ZNF536: variants seen among roughly 807,000 people sequenced by gnomAD.
ZNF536 encodes the protein zinc finger protein 536.
A neutral mutation model predicts 84.5 loss-of-function variants in ZNF536; 13 were observed. The observed-to-expected ratio is 0.15, with a 90% CI of 0.10 to 0.24. The LOEUF (loss-of-function observed/expected upper bound fraction) is 0.24. ZNF536 is among the 10% of genes least tolerant of loss of function. ZNF536 has a pLI of 1.00. For synonymous variants in ZNF536, 811 were observed against 742.5 expected (o/e 1.09, Z -1.50); for missense variants, 1,536 against 1,747.5 (o/e 0.88, Z 2.16).
chr19:30,674,179 G>A (rs940232062), intron 1 of ZNF536, among the ~76,000 whole-genome samples: 1 of 152,246 alleles, frequency 6.6e-6, no homozygotes, highest in Admixed American at 6.5e-5. Context: ...CGGGGTGACA[G>A]CAGGAGATGG....
At chr19:30,521,709 G>A (rs1255025739) in intron 2 of ZNF536, among the ~76,000 whole-genome samples, 1 of 152,138 alleles carries the variant, frequency 6.6e-6, no homozygotes, top group South Asian at 2.1e-4. Flanking sequence ...AGGCTAGAAG[G>A]AAAGCTGGTG....
At chr19:30,633,716 T>A (rs1236797609) in intron 1 of ZNF536, among the ~76,000 whole-genome samples, 1 of 152,166 alleles carries the variant, frequency 6.6e-6, no homozygotes, top group East Asian at 1.9e-4. Context: ...ATTTTATTTT[T>A]ATTTGATTTT....
At chr19:30,403,753 C>A (rs1175342763) in intron 1 of ZNF536, among the ~76,000 whole-genome samples, 1 of 152,206 alleles carries the variant, frequency 6.6e-6, no homozygotes, top group Non-Finnish European at 1.5e-5. Context: ...AGTGCAAGGT[C>A]CAGCTGCTCT....
chr19:30,550,921 G>C (rs1414351233), intron 4 of ZNF536, among the ~76,000 whole-genome samples: 6 of 152,030 alleles, frequency 3.9e-5, no homozygotes, highest in Admixed American at 3.9e-4. Context: ...ACTACCCCCA[G>C]ATCTATTTTT....
intron 1 of ZNF536, chr19:30,665,626 G>T (rs2050286662): frequency 6.6e-6 from 1 of 152,260 alleles, no homozygotes; most frequent in Non-Finnish European, 1.5e-5. Context: ...ACTGGCCCAG[G>T]AGGGTCTGGT....
chr19:30,403,316 C>A (rs2147545078), intron 1 of ZNF536, among the ~76,000 whole-genome samples: 1 of 152,268 alleles, frequency 6.6e-6, no homozygotes, highest in African/African-American at 2.4e-5. Context: ...GGAAAATGCA[C>A]AACGCAGACA....
intron 2 of ZNF536, among the ~76,000 whole-genome samples, chr19:30,350,504 A>G (rs1007845332): frequency 4.6e-5 from 7 of 152,250 alleles, no homozygotes; most frequent in Admixed American, 4.6e-4. Context: ...ATGTTACAAT[A>G]TGAGAAAGAA....
At chr19:30,436,184 C>G (rs1226438566) in intron 1 of ZNF536, among the ~76,000 whole-genome samples, 1 of 152,202 alleles carries the variant, frequency 6.6e-6, no homozygotes, top group Non-Finnish European at 1.5e-5. Flanking sequence ...GGGAATTTGA[C>G]TACAGTCTGC....
chr19:30,514,685 C>T (rs532684257), intron 2 of ZNF536, among the ~76,000 whole-genome samples: 42 of 152,144 alleles, frequency 2.8e-4, no homozygotes, highest in Admixed American at 2.6e-3. Context: ...CCATACCTGC[C>T]CCTCCAGGCT....
At chr19:30,471,522 T>A (rs1377490172) in intron 2 of ZNF536, among the ~76,000 whole-genome samples, 1 of 152,178 alleles carries the variant, frequency 6.6e-6, no homozygotes, top group African/African-American at 2.4e-5. Flanking sequence ...GCAGGGCAAT[T>A]GTCAGATCAC....
chr19:30,636,132 T>C (rs1440085219), intron 1 of ZNF536, among the ~76,000 whole-genome samples: 2 of 152,142 alleles, frequency 1.3e-5, no homozygotes, highest in Non-Finnish European at 2.9e-5. Flanking sequence ...TGGCGTGTCA[T>C]CCCTTCACAA....
intron 2 of ZNF536, among the ~76,000 whole-genome samples, chr19:30,476,992 T>C (rs2053876786): frequency 6.6e-6 from 1 of 152,186 alleles, no homozygotes; most frequent in Non-Finnish European, 1.5e-5. Context: ...TCTTGCTATG[T>C]TGTCCAGGCT....
chr19:30,653,669 C>T (rs371315765), intron 1 of ZNF536, among the ~76,000 whole-genome samples: 4 of 145,784 alleles, frequency 2.7e-5, no homozygotes, highest in Admixed American at 6.7e-5. Context: ...GAGCAGGGGA[C>T]GGAAGAGAGG....
In ZNF536 at chr19:30,599,779, T is replaced by A. The variant is rs1004214218; in HGVS notation, c.169+50265T>A. On this transcript the variant is annotated intron_variant, in intron 1 of 1. Transcript: ENST00000592773. The stretch of plus-strand genomic sequence containing the variant: ...GGTTCTGTACATTTCACAAAGCACA[T>A]TTGTCTAGGTTTTCCCTGGCAACCT... Among the ~76,000 whole-genome samples, 4 of 152,252 alleles carry A rather than the reference T, an allele frequency of 2.6e-5. No homozygotes were observed. In the South Asian group the frequency reaches 8.3e-4, roughly 32 times the overall value.
chr19:30,559,295 G>A (rs988241150), downstream of ZNF536, among the ~76,000 whole-genome samples: 3 of 152,192 alleles, frequency 2.0e-5, no homozygotes, highest in Admixed American at 6.5e-5. Flanking sequence ...TAAATGCCTA[G>A]CAAAGGTAAA....
chr19:30,611,285 C>G (rs1163433241), intron 1 of ZNF536, among the ~76,000 whole-genome samples: 1 of 152,144 alleles, frequency 6.6e-6, no homozygotes, highest in Non-Finnish European at 1.5e-5. Context: ...GCAGTGGCAA[C>G]ATATGTGGCC....
intron 1 of ZNF536, among the ~76,000 whole-genome samples, chr19:30,254,450 G>C (rs2024797028): frequency 6.6e-6 from 1 of 152,026 alleles, no homozygotes; most frequent in African/African-American, 2.4e-5. Flanking sequence ...TGTTTTTCCA[G>C]GGTAGGAACA....
intron 1 of ZNF536, among the ~76,000 whole-genome samples, chr19:30,374,288 A>G (rs1188884521): frequency 2.0e-5 from 3 of 151,880 alleles, no homozygotes; most frequent in Non-Finnish European, 4.4e-5. Flanking sequence ...TTTATATTTT[A>G]TATTAATATT....
Position 30,445,110 on chromosome 19 carries a change from C to A in ZNF536, c.1548C>A (p.Asp516Glu). ...CGGCTGCCAAGGCTGCGGAGATGGACCCCGTGAACAGCTACCAGGCTTGGC... is the reference window on the plus strand; with the variant it reads ...CGGCTGCCAAGGCTGCGGAGATGGAACCCGTGAACAGCTACCAGGCTTGGC... ...LQAAAKAAEM[D>E]PVNSYQAWQL... The change falls in exon 2 of 5, where the codon GAC becomes GAA. Residue 516 changes from aspartate to glutamate, a missense_variant. By Grantham distance (45) the Asp-to-Glu change is conservative. Around this residue, in one of 8 missense-constraint regions of ZNF536, gnomAD observed 366 missense variants for 364.4 expected, o/e 1.00. Transcript: ENST00000355537. The surrounding 1 kb of genome is among the most constrained non-coding windows in gnomAD (Gnocchi z 4.5). 1 of 1,613,898 alleles carries A rather than the reference C, an allele frequency of 6.2e-7. No individual in the cohort carries two copies. The highest frequency in any genetic ancestry group is 8.5e-7 in the Non-Finnish European group (1 of 1,180,048).
Sources: allele counts gnomAD v4.1 joint callset (sites outside exome capture counted in the v4.1 genomes callset), GRCh38; gene constraint gnomAD v4.1.1; regional missense constraint gnomAD v4.1.1; non-coding constraint Gnocchi (gnomAD v3.1); transcripts MANE v1.5; gene names NCBI Gene and HGNC (gene_info 2026-07-23, HGNC 2026-07-21).